DSCAM: variants seen among roughly 807,000 people sequenced by gnomAD.
DSCAM encodes the protein cell adhesion molecule DSCAM.
A neutral mutation model predicts 217.7 loss-of-function variants in DSCAM; 47 were observed. The ratio of observed to expected loss-of-function variants is 0.22; its 90% CI spans 0.17 to 0.28. The LOEUF is 0.28. Ranked by LOEUF, DSCAM falls within the 10% of genes least tolerant of loss-of-function variation. The pLI is 1.00. For missense variants in DSCAM, 2,080 were observed against 2,618.3 expected (o/e 0.79, Z 4.49); for synonymous variants, 1,056 against 1,015.3 (o/e 1.04, Z -0.76).
At chr21:40,297,622 G>T (rs1264056285) in intron 9 of DSCAM, among the ~76,000 whole-genome samples, 1 of 152,184 alleles carries the variant, frequency 6.6e-6, no homozygotes, top group African/African-American at 2.4e-5. Context: ...GGGCTTAGAA[G>T]CTTGTTACAA....
intron 18 of DSCAM, among the ~76,000 whole-genome samples, chr21:40,140,116 CAA>C (rs2090271387): frequency 6.6e-6 from 1 of 151,996 alleles, no homozygotes; most frequent in Non-Finnish European, 1.5e-5. Context: ...GGAGTTTGTG[CAA>C]AAGTGTCCAG....
intron 1 of DSCAM, among the ~76,000 whole-genome samples, chr21:40,709,627 A>G (rs1297351519): frequency 3.3e-5 from 5 of 152,126 alleles, no homozygotes; most frequent in Non-Finnish European, 5.9e-5. Flanking sequence ...GTTGAGAATG[A>G]TGGTTTCCAG....
At chr21:40,595,812 C>G (rs1022304201) in intron 3 of DSCAM, among the ~76,000 whole-genome samples, 3 of 152,206 alleles carry the variant, frequency 2.0e-5, no homozygotes, top group African/African-American at 7.2e-5. Flanking sequence ...TGTAGCATTA[C>G]TACAGTCTTT....
chr21:40,554,282 G>T (rs1010379508), intron 3 of DSCAM, among the ~76,000 whole-genome samples: 1 of 150,888 alleles, frequency 6.6e-6, no homozygotes, highest in Non-Finnish European at 1.5e-5. Flanking sequence ...AATAAAATTA[G>T]ACTGCTTCTG....
At chr21:40,795,759 C>T (rs2091686176) in intron 1 of DSCAM, among the ~76,000 whole-genome samples, 1 of 152,262 alleles carries the variant, frequency 6.6e-6, no homozygotes, top group East Asian at 1.9e-4. Flanking sequence ...AGAAGTCAAT[C>T]GTTGTCTAAA....
At chr21:40,269,087 G>A (rs760129092) in intron 11 of DSCAM, among the ~76,000 whole-genome samples, 1 of 152,058 alleles carries the variant, frequency 6.6e-6, no homozygotes, top group Admixed American at 6.5e-5. Context: ...TGGCTGAATC[G>A]CACTCCATGA....
At chr21:40,076,418 C>T (rs1487252932) in intron 26 of DSCAM, among the ~76,000 whole-genome samples, 3 of 152,154 alleles carry the variant, frequency 2.0e-5, no homozygotes, top group Non-Finnish European at 4.4e-5. Flanking sequence ...GGCTGCCAAT[C>T]TTGGCTTTCT....
Position 40,178,915 on chromosome 21 carries a change from G to A in DSCAM, c.2947+12C>T, listed in dbSNP as rs762570464. Reference sequence around the variant, plus strand: ...GCTCCTCTGGAGCAAGGTTCCGCCCGGTCCCACGTACCTGCCTCGTCCGCC... The same window carrying A: ...GCTCCTCTGGAGCAAGGTTCCGCCCAGTCCCACGTACCTGCCTCGTCCGCC... On this transcript the variant is annotated intron_variant, in intron 15 of 32. Coordinates refer to ENST00000400454, the MANE Select transcript of DSCAM (RefSeq NM_001389.5). 2.8e-5 allele frequency: 45 copies of A among 1,612,638 alleles called. No homozygotes were observed. Among genetic ancestry groups the A allele is most frequent in the East Asian group, 2.2e-5 (1 of 44,882 alleles).
intron 3 of DSCAM, among the ~76,000 whole-genome samples, chr21:40,662,762 C>T (rs939444426): frequency 6.6e-6 from 1 of 152,110 alleles, no homozygotes. Context: ...AAGGAGAAGT[C>T]GGCTTCTGCC....
chr21:40,632,741 A>G (rs935621569), intron 3 of DSCAM, among the ~76,000 whole-genome samples: 1 of 152,206 alleles, frequency 6.6e-6, no homozygotes, highest in Admixed American at 6.5e-5. Context: ...TTGATTGACA[A>G]GCACCTGTGC....
chr21:40,348,574 C>T (rs2074592437), intron 5 of DSCAM, among the ~76,000 whole-genome samples: 1 of 152,142 alleles, frequency 6.6e-6, no homozygotes, highest in Non-Finnish European at 1.5e-5. Flanking sequence ...CAGTTCTTAT[C>T]AGCCACATTA....
chr21:40,430,792 T>C (rs1190993458), intron 3 of DSCAM, among the ~76,000 whole-genome samples: 1 of 152,224 alleles, frequency 6.6e-6, no homozygotes, highest in African/African-American at 2.4e-5. Context: ...TGTCACAATC[T>C]GTAAACAGAG....
At chr21:40,587,642 G>A (rs975963762) in intron 3 of DSCAM, among the ~76,000 whole-genome samples, 1 of 152,118 alleles carries the variant, frequency 6.6e-6, no homozygotes, top group East Asian at 1.9e-4. Context: ...TAAATAGTAA[G>A]AGTAATTTTT....
chr21:40,581,232 G>A (rs1280161642), intron 3 of DSCAM, among the ~76,000 whole-genome samples: 2 of 152,102 alleles, frequency 1.3e-5, no homozygotes, highest in East Asian at 3.9e-4. Context: ...AGGAGGTGGC[G>A]GGAAACCTAG....
intron 8 of DSCAM, among the ~76,000 whole-genome samples, chr21:40,315,514 A>C (rs2074186888): frequency 6.6e-6 from 1 of 152,226 alleles, no homozygotes; most frequent in Non-Finnish European, 1.5e-5. Context: ...ATGCACATAC[A>C]AATTTTCAAG....
At chr21:40,265,034 A>AT (rs376123248) in intron 11 of DSCAM, among the ~76,000 whole-genome samples, 68 of 151,978 alleles carry the variant, frequency 4.5e-4, no homozygotes, top group African/African-American at 1.6e-3. Flanking sequence ...ACTGAAAAAA[A>AT]ATATAAAAAT....
chr21:40,493,864 A>AC, intron 3 of DSCAM, among the ~76,000 whole-genome samples: 1 of 4,524 alleles, frequency 2.2e-4, no homozygotes, highest in East Asian at 4.2e-3. Context: ...ACTCCATCTC[A>AC]AAAAAAAAAA....
intron 3 of DSCAM, among the ~76,000 whole-genome samples, chr21:40,451,337 T>C (rs2075717767): frequency 6.6e-6 from 1 of 152,238 alleles, no homozygotes; most frequent in Non-Finnish European, 1.5e-5. Context: ...AGACATCCCT[T>C]CTTTTTGAAT....
rs570617605 is a variant in DSCAM at position 40,549,517 on chromosome 21, G to A, written c.508+143293C>T. 8.5e-5 allele frequency among the ~76,000 whole-genome samples: 13 copies of A among 152,230 alleles called. No individual in the cohort carries two copies. The South Asian group carries it at 2.1e-3, about 24-fold the overall frequency. ...TCTCTCAGCATCCATATGACCAAAC[G>A]AAATAAAACAAAGTTCCCTGATATG... On this transcript the variant is annotated intron_variant, in intron 3 of 32. Transcript: ENST00000400454.
Sources: gnomAD v4.1 joint callset for allele counts (sites outside exome capture counted in the v4.1 genomes callset) on GRCh38, gnomAD v4.1.1 for gene constraint, MANE v1.5 for transcripts, NCBI Gene and HGNC (gene_info 2026-07-23, HGNC 2026-07-21) for gene names.